The following MTUS1 variants were observed in gnomAD, a reference collection of about 807,000 sequenced individuals.
MTUS1 encodes microtubule associated scaffold protein 1.
Under a neutral mutation model 120.8 loss-of-function variants are expected in MTUS1, and 109 were observed. The ratio of observed to expected loss-of-function variants is 0.90; its 90% CI spans 0.77 to 1.06. The LOEUF is 1.06. MTUS1 is among the 50% of genes least tolerant of loss of function. The pLI is 0.00. For missense variants in MTUS1, 2,210 were observed against 1,486.3 expected (o/e 1.49, Z -8.01); for synonymous variants, 737 against 550.5 (o/e 1.34, Z -4.74).
chr8:17,793,389 G>C (rs1229635284), intron 1 of MTUS1, among the ~76,000 whole-genome samples: 1 of 152,054 alleles, frequency 6.6e-6, no homozygotes, highest in African/African-American at 2.4e-5. Flanking sequence ...GAGGGGGTGA[G>C]GGCAAGAGGA....
At chr8:17,680,456 C>G (rs113621903) in intron 7 of MTUS1, among the ~76,000 whole-genome samples, 16,970 of 95,146 alleles carry the variant, frequency 0.18, 1,646 homozygotes, top group Middle Eastern at 0.29. Context: ...AGAGCAAGGC[C>G]ACTGTCGCAA....
intron 7 of MTUS1, 65 bp from the exon 8 acceptor site, chr8:17,675,317 T>G: frequency 7.0e-7 from 1 of 1,424,820 alleles, no homozygotes; most frequent in Non-Finnish European, 9.8e-7. Context: ...AGGTACACAT[T>G]TGTTATCACT....
rs1270929196 is a variant in MTUS1 at position 17,664,719 on chromosome 8, T to A, written c.2906-8654A>T. Among the ~76,000 whole-genome samples, 3 of 152,112 alleles carry A rather than the reference T, an allele frequency of 2.0e-5. No individual in the cohort carries two copies. The East Asian group carries it at 5.8e-4, about 29-fold the overall frequency. Reference sequence around the variant, plus strand: ...ATTCTACCGTAGGAGTGTGATGATGTCATAACATTCTACTAAGGGAAATCC... The same window carrying A: ...ATTCTACCGTAGGAGTGTGATGATGACATAACATTCTACTAAGGGAAATCC... On this transcript the variant is annotated intron_variant, in intron 8 of 14. Coordinates refer to ENST00000693296, the MANE Select transcript of MTUS1 (RefSeq NM_001363059.2).
intron 1 of MTUS1, among the ~76,000 whole-genome samples, chr8:17,756,568 A>C (rs1270965093): frequency 1.3e-5 from 2 of 152,048 alleles, no homozygotes; most frequent in Non-Finnish European, 2.9e-5. Context: ...CGATTCTTAA[A>C]GGCTCCAGTG....
intron 1 of MTUS1, among the ~76,000 whole-genome samples, chr8:17,783,489 T>A (rs902803888): frequency 1.3e-5 from 2 of 152,148 alleles, no homozygotes; most frequent in African/African-American, 4.8e-5. Flanking sequence ...TTAGAATCTG[T>A]CCTCACTAGA....
At chr8:17,716,282 G>A (rs2131045585) in intron 4 of MTUS1, among the ~76,000 whole-genome samples, 1 of 152,300 alleles carries the variant, frequency 6.6e-6, no homozygotes, top group East Asian at 1.9e-4. Context: ...AATTCGCACA[G>A]TCAGCTAGTT....
At chr8:17,766,642 A>T (rs2049522448) in intron 1 of MTUS1, among the ~76,000 whole-genome samples, 1 of 152,224 alleles carries the variant, frequency 6.6e-6, no homozygotes, top group Non-Finnish European at 1.5e-5. Context: ...TGTGTAAGAA[A>T]GTATTGTCCT....
chr8:17,688,933 C>T (rs934505941), intron 6 of MTUS1, among the ~76,000 whole-genome samples: 8 of 152,240 alleles, frequency 5.3e-5, no homozygotes, highest in African/African-American at 1.2e-4. Flanking sequence ...CAAGCCAGGC[C>T]GGGTGCGGTG....
chr8:17,726,933 A>G (rs2046264869), intron 3 of MTUS1, among the ~76,000 whole-genome samples: 1 of 152,170 alleles, frequency 6.6e-6, no homozygotes, highest in Non-Finnish European at 1.5e-5. Flanking sequence ...TGCATGCCTC[A>G]TAGCTTTGTT....
chr8:17,703,371 C>A (rs761428717), intron 6 of MTUS1, among the ~76,000 whole-genome samples: 1 of 152,084 alleles, frequency 6.6e-6, no homozygotes, highest in Non-Finnish European at 1.5e-5. Context: ...CGGTGGCTCA[C>A]GCCTGTGATC....
intron 13 of MTUS1, 35 bp from the exon 14 acceptor site, chr8:17,647,114 T>C: frequency 6.5e-7 from 1 of 1,537,600 alleles, no homozygotes; most frequent in Non-Finnish European, 8.9e-7. Context: ...ATTTATACAA[T>C]ATTAAAAAAA....
chr8:17,726,647 T>C (rs2046247716), intron 3 of MTUS1, among the ~76,000 whole-genome samples: 1 of 152,216 alleles, frequency 6.6e-6, no homozygotes, highest in African/African-American at 2.4e-5. Context: ...ACTTTTTTCT[T>C]TACATCCTTT....
At chr8:17,736,406 C>T (rs62499716) in intron 3 of MTUS1, among the ~76,000 whole-genome samples, 5 of 152,092 alleles carry the variant, frequency 3.3e-5, no homozygotes, top group Non-Finnish European at 5.9e-5. Flanking sequence ...TGCCTCACCT[C>T]GGGGTCTCTG....
chr8:17,756,864 A>G (rs1291110514), intron 1 of MTUS1, among the ~76,000 whole-genome samples: 1 of 152,208 alleles, frequency 6.6e-6, no homozygotes, highest in Non-Finnish European at 1.5e-5. Context: ...TGAGAAGAGT[A>G]GGAGAGCTCT....
chr8:17,674,154 T>G (rs927316813), intron 8 of MTUS1, among the ~76,000 whole-genome samples: 19 of 152,070 alleles, frequency 1.2e-4, no homozygotes, highest in Non-Finnish European at 2.1e-4. Context: ...AAAGGGAGTG[T>G]CGGCTGGGTG....
chr8:17,725,807 C>T (rs1476255932), intron 3 of MTUS1, among the ~76,000 whole-genome samples: 1 of 152,186 alleles, frequency 6.6e-6, no homozygotes, highest in Non-Finnish European at 1.5e-5. Flanking sequence ...CATCAGCTAT[C>T]ATCAGCATAT....
At chr8:17,669,097 A>G (rs1348491200) in intron 8 of MTUS1, among the ~76,000 whole-genome samples, 1 of 152,202 alleles carries the variant, frequency 6.6e-6, no homozygotes, top group Non-Finnish European at 1.5e-5. Flanking sequence ...TTGCCCTTGA[A>G]GAGTTCCTAA....
chr8:17,729,542 T>C (rs1325919361), intron 3 of MTUS1, among the ~76,000 whole-genome samples: 5 of 152,180 alleles, frequency 3.3e-5, no homozygotes, highest in Admixed American at 1.3e-4. Flanking sequence ...ATGCACTGTT[T>C]CTGTGAATAA....
chr8:17,754,491 G>C lies in MTUS1; in HGVS notation c.1317C>G (p.Thr439=), dbSNP rs2048441449. Reference sequence around the variant, plus strand: ...TCGCTTCAATCGGTGAAACAGAAAAGGTTACTTTTGTGGGTTCTAGGACTG... The same window carrying C: ...TCGCTTCAATCGGTGAAACAGAAAACGTTACTTTTGTGGGTTCTAGGACTG... ...STPVLEPTKV[T]FSVSPIEATE... The change falls in exon 2 of 15, where the codon ACC becomes ACG. Residue 439 remains threonine, a synonymous_variant. Transcript: ENST00000693296. 4.3e-6 allele frequency: 7 copies of C among 1,614,082 alleles called. No individual in the cohort carries two copies. Among genetic ancestry groups the C allele is most frequent in the African/African-American group, 1.3e-5 (1 of 74,926 alleles).
Sources: gnomAD v4.1 joint callset for allele counts (sites outside exome capture counted in the v4.1 genomes callset) on GRCh38, gnomAD v4.1.1 for gene constraint, MANE v1.5 for transcripts, NCBI Gene and HGNC (gene_info 2026-07-23, HGNC 2026-07-21) for gene names.